CCDC7: variants seen among roughly 807,000 people sequenced by gnomAD.
CCDC7 encodes coiled-coil domain containing 7, also known as coiled-coil domain-containing protein 7.
Under a neutral mutation model 196.9 loss-of-function variants are expected in CCDC7, and 183 were observed. The ratio of observed to expected loss-of-function variants is 0.93; its 90% CI spans 0.82 to 1.05. The LOEUF (loss-of-function observed/expected upper bound fraction) is 1.05. CCDC7 is among the 50% of genes least tolerant of loss of function. The pLI, the probability that CCDC7 is intolerant of heterozygous loss-of-function variation, is 0.00. For missense variants in CCDC7, 1,540 were observed against 1,482.2 expected (o/e 1.04, Z -0.64); for synonymous variants, 525 against 484.6 (o/e 1.08, Z -1.10).
intron 18 of CCDC7, among the ~76,000 whole-genome samples, chr10:32,586,038 C>T (rs187193549): frequency 9.9e-5 from 15 of 152,156 alleles, no homozygotes; most frequent in African/African-American, 2.9e-4. Context: ...CAGCATCTGC[C>T]GCTTCCTGAC....
chr10:32,849,993 T>A (rs979872672), intron 39 of CCDC7, among the ~76,000 whole-genome samples: 7 of 152,012 alleles, frequency 4.6e-5, no homozygotes, highest in Non-Finnish European at 8.8e-5. Context: ...TGGGGAGGAA[T>A]AATAAAACTG....
intron 41 of CCDC7, among the ~76,000 whole-genome samples, chr10:32,856,532 G>A (rs1285388921): frequency 6.6e-6 from 1 of 152,124 alleles, no homozygotes; most frequent in African/African-American, 2.4e-5. Context: ...ACCTCCCTAG[G>A]AGTGAAGCCA....
chr10:32,602,228 C>T (rs553312978), intron 18 of CCDC7, among the ~76,000 whole-genome samples: 2 of 151,930 alleles, frequency 1.3e-5, no homozygotes, highest in Non-Finnish European at 2.9e-5. Flanking sequence ...CGAAGGTCTG[C>T]GGCTTCACTC....
chr10:32,711,475 A>C (rs1021036411), intron 24 of CCDC7, 145 bp from the exon 26 acceptor site: 1 of 519,330 alleles, frequency 1.9e-6, no homozygotes, highest in Non-Finnish European at 3.4e-6. Context: ...CACCATTTTC[A>C]TGTCAGAGCT....
intron 18 of CCDC7, among the ~76,000 whole-genome samples, chr10:32,624,064 G>C (rs1262567583): frequency 6.6e-6 from 1 of 152,120 alleles, no homozygotes; most frequent in Non-Finnish European, 1.5e-5. Flanking sequence ...TGAAAACCTT[G>C]AGAGTTTTTC....
chr10:32,502,217 C>T (rs11597869), intron 9 of CCDC7, among the ~76,000 whole-genome samples: 52,409 of 152,044 alleles, frequency 0.34, 11,474 homozygotes, highest in Non-Finnish European at 0.5. Flanking sequence ...CCTGGTCTGC[C>T]GGTGGTGAAG....
chr10:32,685,858 T>C (rs912506834), intron 21 of CCDC7, 112 bp from the exon 23 acceptor site: 3 of 621,940 alleles, frequency 4.8e-6, no homozygotes, highest in South Asian at 4.5e-5. Context: ...GTTATAACTT[T>C]GTAGAAGTGA....
intron 18 of CCDC7, among the ~76,000 whole-genome samples, chr10:32,599,020 C>T (rs2060717305): frequency 6.6e-6 from 1 of 152,230 alleles, no homozygotes; most frequent in East Asian, 1.9e-4. Flanking sequence ...ATCTATATCT[C>T]CAAGTATAAT....
At chr10:32,812,674 A>G (rs2087419467) in intron 30 of CCDC7, among the ~76,000 whole-genome samples, 1 of 152,160 alleles carries the variant, frequency 6.6e-6, no homozygotes, top group Non-Finnish European at 1.5e-5. Context: ...AAGCAAAGGG[A>G]GGATATTGTG....
At chr10:32,634,217 T>C in intron 18 of CCDC7, 37 bp from the exon 20 acceptor site, 1 of 922,952 alleles carries the variant, frequency 1.1e-6, no homozygotes, top group Non-Finnish European at 1.4e-6. Context: ...TAGAGCTCTT[T>C]CTCTATTTGG....
At chr10:32,696,753 C>T (rs1271785268) in intron 24 of CCDC7, among the ~76,000 whole-genome samples, 1 of 152,190 alleles carries the variant, frequency 6.6e-6, no homozygotes, top group Non-Finnish European at 1.5e-5. Flanking sequence ...TTACCTAGAT[C>T]ATTGAGAAGT....
intron 31 of CCDC7, among the ~76,000 whole-genome samples, chr10:32,815,440 T>C (rs1250821889): frequency 6.6e-6 from 1 of 152,154 alleles, no homozygotes; most frequent in Non-Finnish European, 1.5e-5. Context: ...ATATTTGGAA[T>C]TGAAAGGTAA....
At chr10:32,558,468 ATCT>A (rs1480417647) in intron 13 of CCDC7, among the ~76,000 whole-genome samples, 1 of 152,046 alleles carries the variant, frequency 6.6e-6, no homozygotes, top group African/African-American at 2.4e-5. Flanking sequence ...TCCCTATCTT[ATCT>A]TCTTTTCTTT....
intron 41 of CCDC7, among the ~76,000 whole-genome samples, chr10:32,858,641 A>G (rs2136414459): frequency 6.6e-6 from 1 of 152,250 alleles, no homozygotes; most frequent in East Asian, 1.9e-4. Flanking sequence ...TTCTTTATTG[A>G]AAGTTTTAAT....
Position 32,595,600 on chromosome 10 carries a change from G to T in CCDC7, c.1801+11296G>T, listed in dbSNP as rs1046322444. Among the ~76,000 whole-genome samples, 3 of 152,040 alleles carry T rather than the reference G, an allele frequency of 2.0e-5. No individual in the cohort carries two copies. In the South Asian group the frequency reaches 6.2e-4, roughly 32 times the overall value. ...CTTCTGCAAGCTTTTGAATGTGTTT[G>T]CTCTTGCTTCTCTAGTTCTTTTAAT... On this transcript the variant is annotated intron_variant, in intron 18 of 41. Transcript: ENST00000639629.
chr10:32,579,499 C>A (rs2058542615), intron 16 of CCDC7, among the ~76,000 whole-genome samples: 1 of 152,074 alleles, frequency 6.6e-6, no homozygotes. Context: ...AAAGAAACAG[C>A]AAACAGTATT....
chr10:32,633,238 T>G (rs1366170312), intron 18 of CCDC7, among the ~76,000 whole-genome samples: 2 of 147,646 alleles, frequency 1.4e-5, no homozygotes, highest in African/African-American at 5.0e-5. Context: ...CACACACACA[T>G]TCATACACAC....
intron 20 of CCDC7, among the ~76,000 whole-genome samples, chr10:32,653,022 A>G (rs977658084): frequency 1.3e-5 from 2 of 152,234 alleles, no homozygotes; most frequent in East Asian, 1.9e-4. Context: ...TTGTTTGTCT[A>G]GGAAAGTCGT....
intron 34 of CCDC7, 42 bp from the exon 36 acceptor site, chr10:32,845,501 A>G (rs749415669): frequency 2.0e-5 from 30 of 1,493,456 alleles, no homozygotes; most frequent in Non-Finnish European, 2.8e-5. Flanking sequence ...TATGGTAATG[A>G]TAATCTTACA....
Sources: gnomAD v4.1 joint callset for allele counts (sites outside exome capture counted in the v4.1 genomes callset) on GRCh38, gnomAD v4.1.1 for gene constraint, MANE v1.5 for transcripts, NCBI Gene and HGNC (gene_info 2026-07-23, HGNC 2026-07-21) for gene names.